The following PCDHGA10 variants were observed in gnomAD, a reference collection of about 807,000 sequenced individuals.
PCDHGA10 encodes protocadherin gamma-A10.
A neutral mutation model predicts 59.5 loss-of-function variants in PCDHGA10; 42 were observed. The ratio of observed to expected loss-of-function variants is 0.71; its 90% CI spans 0.55 to 0.91. The LOEUF is 0.91. Among genes scored for constraint, PCDHGA10 ranks in the 40% least tolerant of loss-of-function variants. PCDHGA10 has a pLI of 0.00. For synonymous variants in PCDHGA10, 511 were observed against 517.2 expected (o/e 0.99, Z 0.16); for missense variants, 1,111 against 1,198.2 (o/e 0.93, Z 1.07).
At chr5:141,459,427 G>A (rs1489214494) in intron 1 of PCDHGA10, among the ~76,000 whole-genome samples, 2 of 152,228 alleles carry the variant, frequency 1.3e-5, no homozygotes, top group Non-Finnish European at 2.9e-5. Flanking sequence ...ATATCACAAT[G>A]TGTTCATTCA....
intron 1 of PCDHGA10, chr5:141,422,145 G>A: frequency 1.3e-6 from 2 of 1,580,726 alleles, no homozygotes; most frequent in Non-Finnish European, 8.6e-7. Context: ...AAGTACGGGG[G>A]TCTCTGGATT....
rs779792543 is a variant in PCDHGA10 at position 141,486,994 on chromosome 5, C to T, written c.2437-7813C>T. ...ATTCAGGTTACAATGCTTGGGTTTCCTATCAGCTCCTGGAGGCCCCAGATC... is the reference window on the plus strand; with the variant it reads ...ATTCAGGTTACAATGCTTGGGTTTCTTATCAGCTCCTGGAGGCCCCAGATC... On this transcript the variant is annotated intron_variant, in intron 1 of 3. Coordinates refer to ENST00000398610, the MANE Select transcript of PCDHGA10 (RefSeq NM_018913.3). This position sits in a 1 kb window ranked among gnomAD's most constrained non-coding sequence, Gnocchi z 5.0. The T allele has an allele frequency of 6.2e-7, 1 of 1,614,214 alleles. No individual in the cohort carries two copies. The highest frequency in any genetic ancestry group is 8.5e-7 in the Non-Finnish European group (1 of 1,180,034).
intron 1 of PCDHGA10, chr5:141,417,646 C>G: frequency 1.3e-6 from 1 of 797,874 alleles, no homozygotes. Context: ...GATCCCTCAG[C>G]CTCTAGCCTG....
At chr5:141,427,082 C>T (rs1335319344) in intron 1 of PCDHGA10, 1 of 458,118 alleles carries the variant, frequency 2.2e-6, no homozygotes, top group Admixed American at 2.3e-5. Flanking sequence ...CAGCCACTGA[C>T]CAGGATGAGG....
intron 1 of PCDHGA10, chr5:141,427,726 T>C: frequency 8.7e-7 from 1 of 1,155,152 alleles, no homozygotes; most frequent in Non-Finnish European, 1.3e-6. Context: ...GACCTAGGGC[T>C]GAATGGCCAA....
intron 1 of PCDHGA10, among the ~76,000 whole-genome samples, chr5:141,472,136 A>T (rs1172420221): frequency 1.1e-4 from 17 of 152,262 alleles, no homozygotes; most frequent in Non-Finnish European, 2.5e-4. Flanking sequence ...AGTTAAAAAT[A>T]AAAGTTTCAT....
chr5:141,416,996 C>T (rs1280099812), intron 1 of PCDHGA10: 1 of 151,012 alleles, frequency 6.6e-6, no homozygotes. Flanking sequence ...GTGCATTCAT[C>T]TCAAATAATT....
chr5:141,439,289 T>C (rs1454088176), intron 1 of PCDHGA10, among the ~76,000 whole-genome samples: 1 of 151,850 alleles, frequency 6.6e-6, no homozygotes, highest in African/African-American at 2.4e-5. Flanking sequence ...CTGTGTTCCA[T>C]GGAAAAAGTA....
intron 2 of PCDHGA10, among the ~76,000 whole-genome samples, chr5:141,502,832 G>T (rs1266910323): frequency 6.6e-6 from 1 of 150,516 alleles, no homozygotes; most frequent in Non-Finnish European, 1.5e-5. Context: ...GGGGAAGCCT[G>T]GACTGGCTGA....
rs1294898087 is a variant in PCDHGA10 at position 141,413,461 on chromosome 5, C to G, written c.286C>G (p.Arg96Gly). The change falls in exon 1 of 4, where the codon CGG becomes GGG. Residue 96 changes from arginine (R) to glycine (G), a missense_variant. Physicochemically the swap from Arg to Gly is moderately radical, Grantham distance 125. Transcript: ENST00000398610. Reference sequence around the variant, plus strand: ...CTTGATCACCGCGGGCAGGATAGACCGGGAGGAGCTCTGCGCTCAGAGCGC... The same window carrying G: ...CTTGATCACCGCGGGCAGGATAGACGGGGAGGAGCTCTGCGCTCAGAGCGC... ...GSLITAGRID[R>G]EELCAQSARC... is the part of the protein sequence containing the mutation. 6.8e-6 allele frequency: 11 copies of G among 1,614,082 alleles called. No homozygotes were observed. The highest frequency in any genetic ancestry group is 7.6e-6 in the Non-Finnish European group (9 of 1,179,970).
chr5:141,497,957 A>G (rs2099780682), intron 2 of PCDHGA10, among the ~76,000 whole-genome samples: 1 of 152,242 alleles, frequency 6.6e-6, no homozygotes, highest in Non-Finnish European at 1.5e-5. Flanking sequence ...TCTGTTGGCC[A>G]GGCAGTGTTC....
Position 141,431,612 on chromosome 5 carries a change from G to T in PCDHGA10, c.2436+16001G>T, listed in dbSNP as rs79883194. 6.2e-7 allele frequency: 1 copy of T among 1,614,244 alleles called. No homozygotes were observed. The highest frequency in any genetic ancestry group is 2.2e-5 in the East Asian group (1 of 44,880). Reference sequence around the variant, plus strand: ...AGTGAGGTATTCCTTCCGGTATGTGGACGACAAGGCGGCCCAAGTTTTCAA... The same window carrying T: ...AGTGAGGTATTCCTTCCGGTATGTGTACGACAAGGCGGCCCAAGTTTTCAA... On this transcript the variant is annotated intron_variant, in intron 1 of 3. Transcript: ENST00000398610. The surrounding 1 kb of genome is among the most constrained non-coding windows in gnomAD (Gnocchi z 4.8).
rs761149166 is a variant in PCDHGA10 at position 141,510,977 on chromosome 5, G to C, written c.2615G>C (p.Gly872Ala). Residue 872 changes from glycine to alanine, a missense_variant, in exon 4 of 4, where the codon GGG (glycine) becomes GCG (alanine). Coordinates refer to ENST00000398610, the MANE Select transcript of PCDHGA10 (RefSeq NM_018913.3). Reference protein sequence around the residue: ...EAADGSSTLGGGAGTMGLSAR... With the variant: ...EAADGSSTLGAGAGTMGLSAR... ...GCTGATGGGAGCTCCACCCTGGGAG[G>C]GGGTGCCGGCACCATGGGATTGAGC... 9 of 1,614,052 alleles carry C rather than the reference G, an allele frequency of 5.6e-6. No individual in the cohort carries two copies. The Admixed American group carries it at 1.3e-4, about 24-fold the overall frequency.
chr5:141,468,505 C>A (rs1293623271), intron 1 of PCDHGA10: 1 of 152,020 alleles, frequency 6.6e-6, no homozygotes, highest in East Asian at 1.9e-4. Context: ...TTCATGTGGA[C>A]AAATTTAGTA....
At position 141,428,042 on chromosome 5, in the gene PCDHGA10, G is replaced by A; in HGVS notation, c.2436+12431G>A. The A allele has an allele frequency of 1.9e-6, 3 of 1,608,716 alleles. No individual in the cohort carries two copies. The South Asian group carries it at 3.3e-5, about 18-fold the overall frequency. On this transcript the variant is annotated intron_variant, in intron 1 of 3. Transcript: ENST00000398610. ...GCGCCGCAGAGTCCGGCTACCTGGT[G>A]ACCAAGGTGGTGGCGGTGGACGCAG...
rs747671382 is a variant in PCDHGA10 at position 141,444,152 on chromosome 5, A to ATTTTTTT, written c.2436+28571_2436+28577dup. On this transcript the variant is annotated intron_variant, in intron 1 of 3. Coordinates refer to ENST00000398610, the MANE Select transcript of PCDHGA10 (RefSeq NM_018913.3). ...GATATGTGTCACTTGTGTGTACTGG[A>ATTTTTTT]TTTTTTTTTTTTTTTTTTTTTTTTT... Among the ~76,000 whole-genome samples, 8 of 33,896 alleles carry ATTTTTTT rather than the reference A, an allele frequency of 2.4e-4. 2 individuals are homozygous for ATTTTTTT. The highest frequency in any genetic ancestry group is 2.1e-3 in the South Asian group (2 of 962). 22.2% of individuals were successfully genotyped at this position (33,896 alleles called of 152,430 possible).
Position 141,415,059 on chromosome 5 carries a change from C to A in PCDHGA10, c.1884C>A (p.Gly628=). 1.2e-6 allele frequency: 2 copies of A among 1,613,396 alleles called. No homozygotes were observed. Among genetic ancestry groups the A allele is most frequent in the Non-Finnish European group, 1.7e-6 (2 of 1,179,948 alleles). The part of the protein sequence containing the change: ...PGLFAVGEHT[G]EVRTARALLD... Reference sequence around the variant, plus strand: ...TCTTCGCGGTGGGGGAGCACACGGGCGAGGTGCGCACGGCGCGAGCCCTGC... The same window carrying A: ...TCTTCGCGGTGGGGGAGCACACGGGAGAGGTGCGCACGGCGCGAGCCCTGC... The change falls in exon 1 of 4, where the codon GGC becomes GGA. Residue 628 remains glycine (G), a synonymous_variant. Coordinates refer to ENST00000398610, the MANE Select transcript of PCDHGA10 (RefSeq NM_018913.3).
Position 141,485,778 on chromosome 5 carries a change from G to T in PCDHGA10, c.2437-9029G>T. The T allele has an allele frequency of 6.2e-7, 1 of 1,614,216 alleles. No individual in the cohort carries two copies. Among genetic ancestry groups the T allele is most frequent in the Admixed American group, 1.7e-5 (1 of 60,028 alleles). ...CTGCTCCTGGAGAAGCCTTTGGATC[G>T]AGAGAAGCAATCGGACTACCGCCTG... is the stretch of plus-strand genomic sequence containing the variant. On this transcript the variant is annotated intron_variant, in intron 1 of 3. Coordinates refer to ENST00000398610, the MANE Select transcript of PCDHGA10 (RefSeq NM_018913.3). The surrounding 1 kb of genome is among the most constrained non-coding windows in gnomAD (Gnocchi z 5.7).
At chr5:141,500,500 C>T (rs6872480) in intron 2 of PCDHGA10, among the ~76,000 whole-genome samples, 1,599 of 152,210 alleles carry the variant, frequency 0.011, 36 homozygotes, top group African/African-American at 0.036. Context: ...TGAGCCACCG[C>T]GCCTGGCCGA....
Sources: allele counts gnomAD v4.1 joint callset (sites outside exome capture counted in the v4.1 genomes callset), GRCh38; gene constraint gnomAD v4.1.1; non-coding constraint Gnocchi (gnomAD v3.1); transcripts MANE v1.5; gene names NCBI Gene and HGNC (gene_info 2026-07-23, HGNC 2026-07-21).